The following DLG2 variants were observed in gnomAD, a reference collection of about 807,000 sequenced individuals.
The protein encoded by DLG2 is discs large MAGUK scaffold protein 2, also known as disks large homolog 2.
In DLG2, 45 loss-of-function variants were observed where a neutral mutation model predicts 132.5. That is an observed-to-expected ratio of 0.34 (90% confidence interval 0.27 to 0.44). DLG2 has a LOEUF of 0.44. DLG2 is among the 20% of genes least tolerant of loss of function. DLG2 has a pLI of 1.00. For synonymous variants in DLG2, 424 were observed against 419.6 expected (o/e 1.01, Z -0.13); for missense variants, 1,045 against 1,196.9 (o/e 0.87, Z 1.87).
At chr11:84,399,237 T>C (rs1413153945) in intron 7 of DLG2, among the ~76,000 whole-genome samples, 2 of 152,100 alleles carry the variant, frequency 1.3e-5, no homozygotes, top group South Asian at 2.1e-4. Flanking sequence ...TTCTTCTATA[T>C]GTCACCTTTA....
chr11:85,245,799 T>C (rs1447488040), intron 4 of DLG2, among the ~76,000 whole-genome samples: 1 of 151,962 alleles, frequency 6.6e-6, no homozygotes, highest in Non-Finnish European at 1.5e-5. Flanking sequence ...CTCCTTCTCA[T>C]CTACTCTACT....
intron 7 of DLG2, among the ~76,000 whole-genome samples, chr11:84,499,454 T>G (rs1433594888): frequency 6.6e-6 from 1 of 152,204 alleles, no homozygotes; most frequent in Non-Finnish European, 1.5e-5. Context: ...AACACATAAG[T>G]ATTGTGCTAT....
Position 84,296,698 on chromosome 11 carries a change from C to T in DLG2, c.520-45407G>A, listed in dbSNP as rs1171447306. Among the ~76,000 whole-genome samples the T allele has an allele frequency of 2.0e-5, 3 of 152,268 alleles. No individual in the cohort carries two copies. The East Asian group carries it at 5.8e-4, about 29-fold the overall frequency. ...CAAGCAAGCCTCTCACCTTACCCTC[C>T]TGAGTCACTGGGATTACCATGCCCA... On this transcript the variant is annotated intron_variant, in intron 7 of 27. Coordinates refer to ENST00000376104, the MANE Select transcript of DLG2 (RefSeq NM_001142699.3).
At chr11:85,609,798 A>C (rs1160822359) in intron 2 of DLG2, among the ~76,000 whole-genome samples, 1 of 152,148 alleles carries the variant, frequency 6.6e-6, no homozygotes, top group Non-Finnish European at 1.5e-5. Flanking sequence ...CGGCCTTCTC[A>C]GTGTTAATCT....
intron 7 of DLG2, among the ~76,000 whole-genome samples, chr11:84,315,255 G>A (rs979360461): frequency 6.6e-6 from 1 of 152,074 alleles, no homozygotes; most frequent in Non-Finnish European, 1.5e-5. Context: ...CTCAGTTGAT[G>A]AAAAAATATG....
intron 7 of DLG2, among the ~76,000 whole-genome samples, chr11:84,256,950 G>A (rs986772364): frequency 1.3e-5 from 2 of 152,156 alleles, no homozygotes; most frequent in Non-Finnish European, 2.9e-5. Flanking sequence ...AATTCACACA[G>A]AAGATTTCCA....
intron 18 of DLG2, among the ~76,000 whole-genome samples, chr11:83,652,847 C>A (rs749006016): frequency 6.6e-6 from 1 of 152,148 alleles, no homozygotes; most frequent in South Asian, 2.1e-4. Context: ...TTTCCTTATT[C>A]GACCCTTTTT....
chr11:84,368,281 CT>C (rs908273455), intron 7 of DLG2, among the ~76,000 whole-genome samples: 15 of 151,804 alleles, frequency 9.9e-5, no homozygotes, highest in African/African-American at 2.9e-4. Flanking sequence ...CTTATTTTAG[CT>C]TTTTTTTCCC....
intron 7 of DLG2, among the ~76,000 whole-genome samples, chr11:84,340,107 T>C (rs572126014): frequency 6.6e-6 from 1 of 152,286 alleles, no homozygotes; most frequent in Admixed American, 6.5e-5. Context: ...TAATGAAGTA[T>C]TTTGCAGGAG....
chr11:85,263,435 A>G (rs1279225664), intron 4 of DLG2, among the ~76,000 whole-genome samples: 1 of 152,154 alleles, frequency 6.6e-6, no homozygotes, highest in African/African-American at 2.4e-5. Context: ...GCCACTGCCA[A>G]TTGTGCCACA....
At chr11:85,200,471 A>G (rs2081379939) in intron 4 of DLG2, among the ~76,000 whole-genome samples, 1 of 152,208 alleles carries the variant, frequency 6.6e-6, no homozygotes, top group Non-Finnish European at 1.5e-5. Context: ...CTGAGCCTGC[A>G]TGAGACTATC....
At chr11:85,591,556 TG>T (rs2079338771) in intron 3 of DLG2, among the ~76,000 whole-genome samples, 2 of 152,196 alleles carry the variant, frequency 1.3e-5, no homozygotes, top group Admixed American at 1.3e-4. Flanking sequence ...CTGGTCAACA[TG>T]GTGAAACCCC....
intron 6 of DLG2, among the ~76,000 whole-genome samples, chr11:85,022,781 T>C (rs2154140832): frequency 6.6e-6 from 1 of 152,236 alleles, no homozygotes; most frequent in East Asian, 1.9e-4. Flanking sequence ...AAAAGTTATT[T>C]TTCCAATCAA....
intron 4 of DLG2, among the ~76,000 whole-genome samples, chr11:85,261,395 C>T (rs2076933393): frequency 6.6e-6 from 1 of 151,992 alleles, no homozygotes; most frequent in Non-Finnish European, 1.5e-5. Context: ...CCCCACCACA[C>T]CTCCCCATAG....
intron 6 of DLG2, among the ~76,000 whole-genome samples, chr11:84,747,328 A>G (rs1267770627): frequency 6.6e-6 from 1 of 152,260 alleles, no homozygotes; most frequent in African/African-American, 2.4e-5. Context: ...CACAACCTGT[A>G]TACATAATCA....
chr11:85,278,797 G>A (rs990494649), intron 4 of DLG2, among the ~76,000 whole-genome samples: 9 of 151,926 alleles, frequency 5.9e-5, no homozygotes, highest in African/African-American at 1.7e-4. Flanking sequence ...ATCCTTTCTC[G>A]GCTATAGTGT....
intron 4 of DLG2, among the ~76,000 whole-genome samples, chr11:85,238,078 A>C (rs1007425646): frequency 6.6e-6 from 1 of 151,848 alleles, no homozygotes; most frequent in Non-Finnish European, 1.5e-5. Flanking sequence ...CCGCATTAAA[A>C]ACCTGTTTAG....
intron 4 of DLG2, among the ~76,000 whole-genome samples, chr11:85,249,765 T>C (rs1251258402): frequency 1.3e-5 from 2 of 152,128 alleles, no homozygotes; most frequent in African/African-American, 2.4e-5. Context: ...AATCTGGAGA[T>C]AGTGGGCCAG....
chr11:83,475,690 CTCTCTCTTTTCTTT>C (rs1209890348), intron 22 of DLG2, among the ~76,000 whole-genome samples: 1 of 148,022 alleles, frequency 6.8e-6, no homozygotes, highest in Non-Finnish European at 1.5e-5. Context: ...AACACAAGTT[CTCTCTCTTTTCTTT>C]TCTCTCTTCT....
Sources: gnomAD v4.1 joint callset for allele counts (sites outside exome capture counted in the v4.1 genomes callset) on GRCh38, gnomAD v4.1.1 for gene constraint, MANE v1.5 for transcripts, NCBI Gene and HGNC (gene_info 2026-07-23, HGNC 2026-07-21) for gene names.